ASPH: variants seen among roughly 807,000 people sequenced by gnomAD.
ASPH encodes aspartate beta-hydroxylase.
ASPH carries 100 observed loss-of-function variants against 118.4 expected under a neutral mutation model. The observed-to-expected ratio is 0.84, with a 90% CI of 0.72 to 1.00. The LOEUF (loss-of-function observed/expected upper bound fraction) is 1.00. Ranked by LOEUF, ASPH falls within the 50% of genes least tolerant of loss-of-function variation. The pLI is 0.00. For synonymous variants in ASPH, 315 were observed against 325.6 expected (o/e 0.97, Z 0.35); for missense variants, 920 against 919.5 (o/e 1.00, Z -0.01).
intron 1 of ASPH, among the ~76,000 whole-genome samples, chr8:61,699,333 T>C (rs1324501459): frequency 1.3e-5 from 2 of 152,346 alleles, no homozygotes; most frequent in Admixed American, 6.5e-5. Flanking sequence ...TTCTGTAGAA[T>C]AGTGAATCTC....
chr8:61,635,484 G>C (rs1391026640), intron 12 of ASPH, among the ~76,000 whole-genome samples: 1 of 152,012 alleles, frequency 6.6e-6, no homozygotes, highest in Non-Finnish European at 1.5e-5. Flanking sequence ...CTTTCACTTG[G>C]ATATATCACA....
At chr8:61,646,992 C>G in intron 5 of ASPH, 114 bp from the exon 6 acceptor site, 1 of 1,406,340 alleles carries the variant, frequency 7.1e-7, no homozygotes, top group Admixed American at 1.9e-5. Context: ...CCCCTCCTTT[C>G]GGCCGCTGAA....
intron 1 of ASPH, among the ~76,000 whole-genome samples, chr8:61,698,518 C>G (rs1006558759): frequency 1.3e-5 from 2 of 152,236 alleles, no homozygotes; most frequent in Non-Finnish European, 2.9e-5. Flanking sequence ...CAGGAACCAT[C>G]TTTTTAGTTT....
chr8:61,661,082 A>C (rs1816653396), intron 3 of ASPH: 1 of 152,174 alleles, frequency 6.6e-6, no homozygotes, highest in South Asian at 2.1e-4. Context: ...AAAATTAAGC[A>C]TTCTTACGGC....
In ASPH at chr8:61,501,450, A is replaced by G. The variant is rs1041116531; in HGVS notation, c.*1909T>C. 6.6e-6 allele frequency: 1 copy of G among 152,154 alleles called. No homozygotes were observed. The allele number at this position is 152,154 out of a possible 1,614,324, so 9.4% of individuals were successfully genotyped here. A position where few individuals can be genotyped will look rare whatever the true frequency, so the allele number is the denominator to read the frequency against. ...AGTTTTTACTCTCTTCCATAATTTC[A>G]TTACATGAATGTAAGATGATGGCTC... On this transcript the variant is annotated 3_prime_UTR_variant, in exon 25 of 25. Transcript: ENST00000379454.
intron 14 of ASPH, among the ~76,000 whole-genome samples, chr8:61,593,411 T>C (rs929402320): frequency 1.3e-5 from 2 of 152,244 alleles, no homozygotes; most frequent in African/African-American, 4.8e-5. Context: ...AATGGACTTC[T>C]GTTTTTTCAG....
chr8:61,711,366 T>A (rs532456274), intron 1 of ASPH, among the ~76,000 whole-genome samples: 4 of 152,250 alleles, frequency 2.6e-5, no homozygotes, highest in African/African-American at 9.6e-5. Flanking sequence ...AATCAATAAA[T>A]TTGAAAAAGG....
At chr8:61,523,871 C>T (rs1262461724) in intron 22 of ASPH, among the ~76,000 whole-genome samples, 1 of 152,124 alleles carries the variant, frequency 6.6e-6, no homozygotes, top group African/African-American at 2.4e-5. Flanking sequence ...AAGAGGGTCA[C>T]TTGAAGCCAA....
At chr8:61,569,135 A>T (rs938688) in intron 16 of ASPH, among the ~76,000 whole-genome samples, 150,191 of 152,324 alleles carry the variant, frequency 0.99, 74,055 homozygotes, top group Middle Eastern at 1. Context: ...GCTGTTAGCA[A>T]AGTAGCAGCA....
chr8:61,594,351 C>T (rs1384636754), intron 14 of ASPH, among the ~76,000 whole-genome samples: 3 of 152,182 alleles, frequency 2.0e-5, no homozygotes, highest in Non-Finnish European at 4.4e-5. Context: ...ATAATTGTTT[C>T]TATGAAATAC....
intron 14 of ASPH, among the ~76,000 whole-genome samples, chr8:61,610,292 C>T (rs1846916083): frequency 6.6e-6 from 1 of 152,184 alleles, no homozygotes. Flanking sequence ...TAAATTATCA[C>T]ATGTACTACA....
At chr8:61,570,375 T>C (rs1833109015) in intron 16 of ASPH, among the ~76,000 whole-genome samples, 1 of 152,210 alleles carries the variant, frequency 6.6e-6, no homozygotes, top group African/African-American at 2.4e-5. Context: ...CTCTTCATTT[T>C]GAACCTACAG....
At chr8:61,625,801 A>T in intron 13 of ASPH, 1 of 986,706 alleles carries the variant, frequency 1.0e-6, no homozygotes, top group Non-Finnish European at 1.2e-6. Context: ...CGTTTTTAAG[A>T]GTGCTAACAC....
chr8:61,509,050 G>A (rs1807792329), intron 24 of ASPH, among the ~76,000 whole-genome samples: 1 of 152,040 alleles, frequency 6.6e-6, no homozygotes, highest in African/African-American at 2.4e-5. Flanking sequence ...AACAACTTCT[G>A]CCTTCCTCCT....
chr8:61,711,362 T>A (rs1043550440), intron 1 of ASPH, among the ~76,000 whole-genome samples: 11 of 152,066 alleles, frequency 7.2e-5, no homozygotes, highest in African/African-American at 2.7e-4. Context: ...TTCAAATCAA[T>A]AAATTTGAAA....
In ASPH at chr8:61,651,215, T is replaced by C. The variant is rs1357904431; in HGVS notation, c.416-91A>G. 7.8e-6 allele frequency: 8 copies of C among 1,020,052 alleles called. No homozygotes were observed. In the African/African-American group the frequency reaches 1.3e-4, roughly 16 times the overall value. 63.2% of individuals were successfully genotyped at this position (1,020,052 alleles called of 1,614,324 possible). On this transcript the variant is annotated intron_variant, in intron 4 of 24. Coordinates refer to ENST00000379454, the MANE Select transcript of ASPH (RefSeq NM_004318.4). ...AAATATGACATTGGTACATACACAT[T>C]AAAATGAATATATTTGACTAAGCAA...
intron 3 of ASPH, chr8:61,668,176 T>G (rs1412893292): frequency 1.4e-6 from 2 of 1,470,178 alleles, no homozygotes; most frequent in South Asian, 1.2e-5. Context: ...GAAAATGTCA[T>G]GCATTTTCAA....
chr8:61,580,476 A>T (rs1355553487), intron 15 of ASPH, among the ~76,000 whole-genome samples: 1 of 152,102 alleles, frequency 6.6e-6, no homozygotes, highest in East Asian at 1.9e-4. Flanking sequence ...AATCTGTGTT[A>T]CTCTTCGATG....
chr8:61,676,036 G>C, intron 3 of ASPH: 1 of 1,594,966 alleles, frequency 6.3e-7, no homozygotes, highest in Non-Finnish European at 8.5e-7. Context: ...GGCTGCTTCA[G>C]GTGTTCATTA....
Sources: allele counts gnomAD v4.1 joint callset (sites outside exome capture counted in the v4.1 genomes callset), GRCh38; gene constraint gnomAD v4.1.1; transcripts MANE v1.5; gene names NCBI Gene and HGNC (gene_info 2026-07-23, HGNC 2026-07-21).